ELMO1: variants seen among roughly 807,000 people sequenced by gnomAD.
ELMO1 encodes the protein engulfment and cell motility 1.
A neutral mutation model predicts 98.9 loss-of-function variants in ELMO1; 26 were observed. The ratio of observed to expected loss-of-function variants is 0.26; its 90% CI spans 0.19 to 0.36. ELMO1 has a LOEUF of 0.36. Ranked by LOEUF, ELMO1 falls within the 10% of genes least tolerant of loss-of-function variation. The probability of loss-of-function intolerance (pLI) is 1.00; values close to 1 mark genes in which losing one functional copy is unlikely to be tolerated. For missense variants in ELMO1, 627 were observed against 935.2 expected, an observed-to-expected ratio of 0.67 and a Z score of 4.30; for synonymous variants, 346 against 346.0, an observed-to-expected ratio of 1.00 and a Z score of 0.00.
At chr7:37,060,088 T>G (rs1170126291) in intron 15 of ELMO1, among the ~76,000 whole-genome samples, 1 of 152,222 alleles carries the variant, frequency 6.6e-6, no homozygotes, top group Non-Finnish European at 1.5e-5. Flanking sequence ...AACAGTCCCA[T>G]GAGGTAAGAA....
At chr7:37,022,111 G>A (rs538628497) in intron 15 of ELMO1, among the ~76,000 whole-genome samples, 8 of 152,286 alleles carry the variant, frequency 5.3e-5, no homozygotes, top group Admixed American at 1.3e-4. Context: ...TCAGTTCTGC[G>A]TGGATTATAG....
At chr7:37,008,482 CTTTT>C (rs534360675) in intron 16 of ELMO1, among the ~76,000 whole-genome samples, 1 of 146,646 alleles carries the variant, frequency 6.8e-6, no homozygotes, top group East Asian at 2.0e-4. Flanking sequence ...CATAGCTTCA[CTTTT>C]TTTTTTTAAC....
intron 5 of ELMO1, chr7:37,270,624 T>C (rs1214316904): frequency 2.0e-5 from 3 of 152,244 alleles, no homozygotes; most frequent in Non-Finnish European, 2.9e-5. Context: ...TAAAATAATA[T>C]AGTTAAATAT....
chr7:37,198,099 C>A (rs1475074335), intron 13 of ELMO1, among the ~76,000 whole-genome samples: 3 of 152,198 alleles, frequency 2.0e-5, no homozygotes, highest in African/African-American at 7.2e-5. Flanking sequence ...ATGCTAATTC[C>A]TGAGTAGCAA....
intron 4 of ELMO1, among the ~76,000 whole-genome samples, chr7:37,289,157 A>G (rs920907184): frequency 4.6e-5 from 7 of 152,178 alleles, no homozygotes; most frequent in Admixed American, 3.3e-4. Context: ...TTTTGAGTGA[A>G]TAGAATGAAT....
intron 1 of ELMO1, among the ~76,000 whole-genome samples, chr7:37,388,228 A>G (rs1186059872): frequency 6.6e-6 from 1 of 152,172 alleles, no homozygotes; most frequent in Non-Finnish European, 1.5e-5. Context: ...AAAGCCTCCT[A>G]TGAGTGTGAA....
intron 1 of ELMO1, among the ~76,000 whole-genome samples, chr7:37,416,977 A>C (rs910445049): frequency 6.6e-6 from 1 of 152,210 alleles, no homozygotes; most frequent in Admixed American, 6.5e-5. Flanking sequence ...TATGAAATCA[A>C]ATGACTGCAA....
intron 20 of ELMO1, among the ~76,000 whole-genome samples, chr7:36,862,611 G>A (rs1802724424): frequency 6.6e-6 from 1 of 152,238 alleles, no homozygotes; most frequent in Non-Finnish European, 1.5e-5. Flanking sequence ...AGCAGAAGAT[G>A]AGAGTCATCA....
rs969401790 is a variant in ELMO1, at chr7:37,083,480, TA to T, written c.1300+13138del. On this transcript the variant is annotated intron_variant, in intron 15 of 21. Coordinates refer to ENST00000310758, the MANE Select transcript of ELMO1 (RefSeq NM_014800.11). ...CAAGTCATTCTCCTTACTCACTCTA[TA>T]AAAAAAAACATGGAAATATGTAATT... Among the ~76,000 whole-genome samples, 351 of 150,244 alleles carry T rather than the reference TA, an allele frequency of 2.3e-3. 1 individual carries two copies. Among genetic ancestry groups the T allele is most frequent in the East Asian group, 0.012 (63 of 5,136 alleles).
At chr7:37,298,437 A>G (rs145865896) in intron 4 of ELMO1, among the ~76,000 whole-genome samples, 8,645 of 127,140 alleles carry the variant, frequency 0.068, 317 homozygotes, top group South Asian at 0.16. Context: ...ATATCTCCCA[A>G]TGCTATCCCT....
chr7:37,151,519 T>C (rs1215432974), intron 13 of ELMO1, among the ~76,000 whole-genome samples: 1 of 152,122 alleles, frequency 6.6e-6, no homozygotes, highest in African/African-American at 2.4e-5. Flanking sequence ...AGGGTAAACA[T>C]ATTGGGTTGA....
intron 4 of ELMO1, among the ~76,000 whole-genome samples, chr7:37,304,295 C>T (rs1358306556): frequency 2.6e-5 from 4 of 152,142 alleles, no homozygotes; most frequent in Non-Finnish European, 5.9e-5. Flanking sequence ...AAGCCCAATG[C>T]CAGGGCTGGA....
chr7:37,320,605 T>G (rs6947058), intron 2 of ELMO1, among the ~76,000 whole-genome samples: 49,375 of 151,960 alleles, frequency 0.32, 8,444 homozygotes, highest in East Asian at 0.56. Flanking sequence ...CTCTGTGTAC[T>G]TAGCACATTA....
At chr7:37,113,026 A>G (rs1431399651) in intron 14 of ELMO1, among the ~76,000 whole-genome samples, 1 of 152,360 alleles carries the variant, frequency 6.6e-6, no homozygotes, top group African/African-American at 2.4e-5. Context: ...AAGCATCAGC[A>G]TATCTGGGGC....
rs150588987 is a variant in ELMO1 at position 36,925,745 on chromosome 7, A to G, written c.1438-30728T>C. ...AAGGTCCAAATGCCATTAAGGATCC[A>G]GAGCTCAGCCTGGCTATTACCTCTG... On this transcript the variant is annotated intron_variant, in intron 16 of 21. Transcript: ENST00000310758. Among the ~76,000 whole-genome samples, 3 of 152,378 alleles carry G rather than the reference A, an allele frequency of 2.0e-5. No individual in the cohort carries two copies. In the East Asian group the frequency reaches 5.8e-4, roughly 29 times the overall value.
At chr7:37,132,975 C>G (rs1787028573) in intron 14 of ELMO1, 155 bp downstream of exon 14, 1 of 473,578 alleles carries the variant, frequency 2.1e-6, no homozygotes, top group South Asian at 5.6e-5. Context: ...CCTGATTGAT[C>G]TCACTTAATT....
intron 15 of ELMO1, among the ~76,000 whole-genome samples, chr7:37,029,282 C>T (rs1395901216): frequency 1.3e-5 from 2 of 152,098 alleles, no homozygotes; most frequent in Non-Finnish European, 2.9e-5. Context: ...CCTCTTTGAT[C>T]CTGACTGATC....
At chr7:37,345,138 T>C (rs550454697) in intron 1 of ELMO1, among the ~76,000 whole-genome samples, 2 of 152,316 alleles carry the variant, frequency 1.3e-5, no homozygotes, top group South Asian at 4.1e-4. Context: ...GGAAGCCTGC[T>C]GAGAAGCTAA....
At chr7:37,180,818 A>G (rs964085261) in intron 13 of ELMO1, among the ~76,000 whole-genome samples, 4 of 151,988 alleles carry the variant, frequency 2.6e-5, no homozygotes, top group Non-Finnish European at 5.9e-5. Context: ...ATGCGCACAC[A>G]CACACACACA....
Sources: gnomAD v4.1 joint callset for allele counts (sites outside exome capture counted in the v4.1 genomes callset) on GRCh38, gnomAD v4.1.1 for gene constraint, MANE v1.5 for transcripts, NCBI Gene and HGNC (gene_info 2026-07-23, HGNC 2026-07-21) for gene names.